Variants in MYZAP observed in about 807,000 individuals in gnomAD.
MYZAP encodes the protein myocardial zonula adherens protein, also known as GRINL1A complex locus upstream.
In MYZAP, 66 loss-of-function variants were observed where a neutral mutation model predicts 69.4. That is an observed-to-expected ratio of 0.95 (90% CI 0.78 to 1.17). The LOEUF (loss-of-function observed/expected upper bound fraction) is 1.17, where lower values mean the gene tolerates loss of function less well. Among genes scored for constraint, MYZAP ranks in the 50% most tolerant of loss-of-function variants. The pLI, the probability that MYZAP is intolerant of heterozygous loss-of-function variation, is 0.00. For synonymous variants in MYZAP, 256 were observed against 205.9 expected, an observed-to-expected ratio of 1.24 and a Z score of -2.09; for missense variants, 611 against 556.2, an observed-to-expected ratio of 1.10 and a Z score of -0.99.
intron 10 of MYZAP, among the ~76,000 whole-genome samples, chr15:57,644,733 T>C (rs555517738): frequency 6.6e-6 from 1 of 152,322 alleles, no homozygotes; most frequent in East Asian, 1.9e-4. Context: ...CTCAGAGTGT[T>C]GGGATTACAG....
At position 57,618,185 on chromosome 15, in the gene MYZAP, A is replaced by C. The variant is rs762406940; in HGVS notation, c.315A>C (p.Lys105Asn). 1.9e-6 allele frequency: 3 copies of C among 1,613,334 alleles called. No individual in the cohort carries two copies. The Admixed American group carries it at 5.0e-5, about 27-fold the overall frequency. ...SQLKEEMNYI[K>N]DVRATLEKVR... ...TGAAAGAAGAGATGAACTACATCAA[A>C]GATGTGAGCCATTTAAGAGTTTTTG... is the stretch of plus-strand genomic sequence containing the variant. The change falls in exon 3 of 13, where the codon AAA (lysine) becomes AAC (asparagine). Residue 105 changes from lysine (K) to asparagine (N), a missense_variant. Transcript: ENST00000267853.
Position 57,625,896 on chromosome 15 carries a change from C to T in MYZAP, c.525+4C>T, listed in dbSNP as rs1229340460. 6.2e-7 allele frequency: 1 copy of T among 1,612,786 alleles called. No homozygotes were observed. Among genetic ancestry groups the T allele is most frequent in the Non-Finnish European group, 8.5e-7 (1 of 1,178,848 alleles). On this transcript the variant is annotated splice_donor_region_variant and intron_variant, in intron 5 of 12. Transcript: ENST00000267853. ...ATCAGATTCCATTGGCCTGCAGGTA[C>T]TCATCTGCTTACTGCTATGACAGGG...
At chr15:57,593,190 A>ATGTGCGCGCGCGCG (rs376306761) in intron 1 of MYZAP, among the ~76,000 whole-genome samples, 1 of 108,256 alleles carries the variant, frequency 9.2e-6, no homozygotes, top group African/African-American at 3.4e-5. Context: ...ACACAGGCGC[A>ATGTGCGCGCGCGCG]CACACACACA....
intron 5 of MYZAP, among the ~76,000 whole-genome samples, chr15:57,626,851 C>T (rs755243797): frequency 3.9e-5 from 6 of 152,184 alleles, no homozygotes; most frequent in Non-Finnish European, 8.8e-5. Context: ...GTCTGGGTGG[C>T]CTCGTGTTTG....
At chr15:57,593,891 G>C (rs2033884561) in intron 1 of MYZAP, among the ~76,000 whole-genome samples, 1 of 152,174 alleles carries the variant, frequency 6.6e-6, no homozygotes, top group African/African-American at 2.4e-5. Context: ...TGTGTGTGTG[G>C]TGGGAAGCTG....
At position 57,620,033 on chromosome 15, in the gene MYZAP, G is replaced by T. The variant is rs184425415; in HGVS notation, c.319-1575G>T. Among the ~76,000 whole-genome samples, 450 of 151,872 alleles carry T rather than the reference G, an allele frequency of 3.0e-3. 1 individual carries two copies. Among genetic ancestry groups the T allele is most frequent in the Non-Finnish European group, 3.6e-3 (242 of 68,032 alleles). ...TCATTGCAGTATTTGCCTTTGGGAG[G>T]GACATGCAGCTCAAGATTCCACCCA... On this transcript the variant is annotated intron_variant, in intron 3 of 12. Coordinates refer to ENST00000267853, the MANE Select transcript of MYZAP (RefSeq NM_001018100.5).
At chr15:57,661,315 C>G in intron 10 of MYZAP, 135 bp from the exon 11 acceptor site, 1 of 706,582 alleles carries the variant, frequency 1.4e-6, no homozygotes, top group South Asian at 1.8e-5. Flanking sequence ...AACCATCCAG[C>G]CCCACTGGAA....
At chr15:57,675,116 G>T (rs889229583) in intron 12 of MYZAP, 48 bp downstream of exon 12, 3 of 1,514,420 alleles carry the variant, frequency 2.0e-6, no homozygotes, top group Non-Finnish European at 2.7e-6. Context: ...TTCCTCTTTG[G>T]CTGAAGAAAA....
chr15:57,673,502 GT>G (rs2038973968), intron 11 of MYZAP, among the ~76,000 whole-genome samples: 1 of 151,034 alleles, frequency 6.6e-6, no homozygotes, highest in African/African-American at 2.4e-5. Context: ...GTGTGTGTGT[GT>G]GTGTGTGTGT....
chr15:57,646,335 A>G, intron 10 of MYZAP: 2 of 1,194,476 alleles, frequency 1.7e-6, no homozygotes, highest in Non-Finnish European at 2.1e-6. Context: ...TATTTAAAGG[A>G]AAATTTGACC....
chr15:57,643,233 C>T (rs966901683), intron 10 of MYZAP, among the ~76,000 whole-genome samples: 8 of 152,194 alleles, frequency 5.3e-5, no homozygotes, highest in East Asian at 3.9e-4. Context: ...TCAGCAGATA[C>T]CCACCAGCAC....
At chr15:57,632,698 A>T in intron 7 of MYZAP, 139 bp downstream of exon 7, 1 of 1,393,006 alleles carries the variant, frequency 7.2e-7, no homozygotes, top group Non-Finnish European at 9.6e-7. Context: ...GGAATTATTC[A>T]TCTGCTCATT....
intron 5 of MYZAP, 112 bp downstream of exon 5, chr15:57,626,004 C>G: frequency 2.1e-6 from 2 of 953,326 alleles, no homozygotes; most frequent in Non-Finnish European, 3.3e-6. Flanking sequence ...ATTCAGAATT[C>G]TTTAAGCAGA....
At chr15:57,630,389 G>GA (rs1567216584) in intron 6 of MYZAP, among the ~76,000 whole-genome samples, 2 of 152,218 alleles carry the variant, frequency 1.3e-5, no homozygotes, top group Admixed American at 6.5e-5. Context: ...AGACGCTTGG[G>GA]ATGCCCACAG....
intron 10 of MYZAP, among the ~76,000 whole-genome samples, chr15:57,656,530 G>T (rs140829967): frequency 1.3e-5 from 2 of 152,160 alleles, no homozygotes; most frequent in Non-Finnish European, 2.9e-5. Context: ...TGAACCAAAG[G>T]CTTGAGAGTC....
Position 57,591,945 on chromosome 15 carries a change from C to G in MYZAP, c.-90C>G, listed in dbSNP as rs1241149215. 2.9e-5 allele frequency: 34 copies of G among 1,187,804 alleles called. No individual in the cohort carries two copies. The highest frequency in any genetic ancestry group is 6.4e-5 in the African/African-American group (4 of 62,450). 73.6% of individuals were successfully genotyped at this position (1,187,804 alleles called of 1,614,324 possible). ...AGGCTGCAAGTAGCCGGCGCCGTCC[C>G]GCGTCGCCCCCGCGCAGGGCGGGCC... is the stretch of plus-strand genomic sequence containing the variant. On this transcript the variant is annotated 5_prime_UTR_variant, in exon 1 of 13. Transcript: ENST00000267853.
chr15:57,675,109 C>T lies in MYZAP; in HGVS notation c.1304+41C>T, dbSNP rs753147729. The T allele has an allele frequency of 2.6e-6, 4 of 1,530,314 alleles. No homozygotes were observed. In the South Asian group the frequency reaches 4.7e-5, roughly 18 times the overall value. The allele number at this position is 1,530,314 out of a possible 1,614,324, so 94.8% of individuals were successfully genotyped here. A position where few individuals can be genotyped will look rare whatever the true frequency, so the allele number is the denominator to read the frequency against. On this transcript the variant is annotated intron_variant, in intron 12 of 12. Transcript: ENST00000267853. ...CTGATTTTTTTTTTTATTCAAATTCCTCTTTGGCTGAAGAAAATACTTTAC... is the reference window on the plus strand; with the variant it reads ...CTGATTTTTTTTTTTATTCAAATTCTTCTTTGGCTGAAGAAAATACTTTAC...
chr15:57,630,922 G>A (rs1398446629), intron 6 of MYZAP, among the ~76,000 whole-genome samples: 1 of 152,154 alleles, frequency 6.6e-6, no homozygotes, highest in African/African-American at 2.4e-5. Context: ...TGGGAAGTGT[G>A]GGCCCCTTCA....
intron 2 of MYZAP, among the ~76,000 whole-genome samples, chr15:57,606,913 A>T (rs1489085592): frequency 6.6e-6 from 1 of 152,290 alleles, no homozygotes; most frequent in East Asian, 1.9e-4. Context: ...TTTGGGAGTA[A>T]AAGTCCTAAG....
Sources: allele counts gnomAD v4.1 joint callset (sites outside exome capture counted in the v4.1 genomes callset), GRCh38; gene constraint gnomAD v4.1.1; transcripts MANE v1.5; gene names NCBI Gene and HGNC (gene_info 2026-07-23, HGNC 2026-07-21).